The following FSTL4 variants were observed in gnomAD, a reference collection of about 807,000 sequenced individuals.
The protein encoded by FSTL4 is follistatin-related protein 4.
Under a neutral mutation model 78.2 loss-of-function variants are expected in FSTL4, and 28 were observed. The ratio of observed to expected loss-of-function variants is 0.36; its 90% CI spans 0.27 to 0.49. The LOEUF (loss-of-function observed/expected upper bound fraction) is 0.49. FSTL4 is among the 20% of genes least tolerant of loss of function. The probability of loss-of-function intolerance (pLI) is 0.98; values close to 1 mark genes in which losing one functional copy is unlikely to be tolerated. For missense variants in FSTL4, 922 were observed against 1,084.9 expected (o/e 0.85, Z 2.11); for synonymous variants, 422 against 440.5 (o/e 0.96, Z 0.53).
chr5:133,464,835 T>C (rs1017986422), intron 3 of FSTL4, among the ~76,000 whole-genome samples: 4 of 152,204 alleles, frequency 2.6e-5, no homozygotes, highest in African/African-American at 9.7e-5. Context: ...ATACAAAATA[T>C]AGCGGACTCA....
chr5:133,713,644 A>G, the FSTL4 span, among the ~76,000 whole-genome samples: 1 of 152,186 alleles, frequency 6.6e-6, no homozygotes, highest in African/African-American at 2.4e-5. Context: ...GGGCCAGTCC[A>G]ACCCCCAAAT....
the FSTL4 span, among the ~76,000 whole-genome samples, chr5:133,721,847 A>G: frequency 6.6e-6 from 1 of 152,160 alleles, no homozygotes; most frequent in Non-Finnish European, 1.5e-5. Flanking sequence ...GTTTTCAGTA[A>G]TTATTTTATT....
In FSTL4 at chr5:133,611,699, G is replaced by A. The variant is rs986629913; in HGVS notation, c.-11+626C>T. Among the ~76,000 whole-genome samples, 1 of 152,186 alleles carries A rather than the reference G, an allele frequency of 6.6e-6. No homozygotes were observed. The highest frequency in any genetic ancestry group is 2.4e-5 in the African/African-American group (1 of 41,454). On this transcript the variant is annotated intron_variant, in intron 1 of 15. Coordinates refer to ENST00000265342, the MANE Select transcript of FSTL4 (RefSeq NM_015082.2). This position sits in a 1 kb window ranked among gnomAD's most constrained non-coding sequence, Gnocchi z 4.9. ...GCCGCAGGCTGCCTGGAGTCGGGTC[G>A]TGCCCTGATTCCTTCCTCCCCAGCC...
At chr5:133,207,884 C>G (rs1750577601) in intron 14 of FSTL4, 1 of 152,220 alleles carries the variant, frequency 6.6e-6, no homozygotes, top group Admixed American at 6.5e-5. Context: ...CTCCTGAGCT[C>G]AAGTAATCCT....
chr5:133,395,767 CT>C (rs1400162991), intron 4 of FSTL4, among the ~76,000 whole-genome samples: 3 of 152,190 alleles, frequency 2.0e-5, no homozygotes, highest in Non-Finnish European at 4.4e-5. Context: ...CAAACCTTCC[CT>C]TGCTCTTCAA....
At chr5:133,461,540 C>CACAAA (rs1167306893) in intron 3 of FSTL4, among the ~76,000 whole-genome samples, 2 of 126,970 alleles carry the variant, frequency 1.6e-5, no homozygotes, top group African/African-American at 7.0e-5. Context: ...ATTTTTACTC[C>CACAAA]CTAAACAAAC....
intron 3 of FSTL4, among the ~76,000 whole-genome samples, chr5:133,537,849 C>G (rs998693259): frequency 1.3e-5 from 2 of 151,130 alleles, no homozygotes; most frequent in Non-Finnish European, 3.0e-5. Context: ...GTGTGTGTAT[C>G]TATATGTACA....
At chr5:133,480,810 TG>T (rs1242621191) in intron 3 of FSTL4, among the ~76,000 whole-genome samples, 3 of 152,142 alleles carry the variant, frequency 2.0e-5, no homozygotes, top group African/African-American at 7.2e-5. Context: ...CTTTAGTGGA[TG>T]ATAGTTCTTC....
chr5:133,601,581 G>A (rs1317750816), intron 2 of FSTL4, among the ~76,000 whole-genome samples: 1 of 152,168 alleles, frequency 6.6e-6, no homozygotes, highest in African/African-American at 2.4e-5. Context: ...GGTGCATGGA[G>A]GGATGAACAG....
At chr5:133,644,568 C>T in the FSTL4 span, among the ~76,000 whole-genome samples, 2 of 152,160 alleles carry the variant, frequency 1.3e-5, no homozygotes, top group African/African-American at 4.8e-5. Flanking sequence ...GTCCTGCCTG[C>T]TGACCTGGGA....
At chr5:133,475,889 C>T (rs955020244) in intron 3 of FSTL4, among the ~76,000 whole-genome samples, 6 of 152,100 alleles carry the variant, frequency 3.9e-5, no homozygotes, top group African/African-American at 1.4e-4. Context: ...AGAGTTCCTG[C>T]CTTCTAGGAG....
chr5:133,821,985 G>A, the FSTL4 span, among the ~76,000 whole-genome samples: 1 of 152,174 alleles, frequency 6.6e-6, no homozygotes, highest in Non-Finnish European at 1.5e-5. Flanking sequence ...ACCCTGGGGG[G>A]TCACACTCAG....
At chr5:133,313,277 C>T (rs1045025197) in intron 5 of FSTL4, among the ~76,000 whole-genome samples, 3 of 152,200 alleles carry the variant, frequency 2.0e-5, no homozygotes, top group Non-Finnish European at 4.4e-5. Flanking sequence ...GGCAGTGCTG[C>T]CTGGACACAG....
At chr5:133,229,296 C>T (rs1003691886) in intron 8 of FSTL4, among the ~76,000 whole-genome samples, 4 of 152,018 alleles carry the variant, frequency 2.6e-5, no homozygotes, top group Non-Finnish European at 2.9e-5. Context: ...CTGAGGTGGG[C>T]GGATCGCTCG....
At chr5:133,687,238 A>C in the FSTL4 span, among the ~76,000 whole-genome samples, 1 of 152,132 alleles carries the variant, frequency 6.6e-6, no homozygotes, top group African/African-American at 2.4e-5. Context: ...GTATGGTAGG[A>C]TCTGCGTGAT....
the FSTL4 span, among the ~76,000 whole-genome samples, chr5:133,691,088 A>G: frequency 1.3e-5 from 2 of 152,152 alleles, no homozygotes; most frequent in African/African-American, 2.4e-5. Flanking sequence ...CCTTTACCAC[A>G]TCGGTTTTTC....
the FSTL4 span, among the ~76,000 whole-genome samples, chr5:133,654,284 T>C: frequency 6.6e-6 from 1 of 152,228 alleles, no homozygotes; most frequent in Non-Finnish European, 1.5e-5. Flanking sequence ...ATTATTTTAG[T>C]TAATCCTCCC....
At chr5:133,537,817 C>G (rs138297731) in intron 3 of FSTL4, among the ~76,000 whole-genome samples, 141 of 151,170 alleles carry the variant, frequency 9.3e-4, no homozygotes, top group Middle Eastern at 3.4e-3. Context: ...CACACACACA[C>G]AGAGACACAC....
the FSTL4 span, among the ~76,000 whole-genome samples, chr5:133,663,778 G>A: frequency 6.6e-6 from 1 of 152,248 alleles, no homozygotes; most frequent in African/African-American, 2.4e-5. Context: ...GAGGCAACAT[G>A]GCAGCCAGGG....
Sources: allele counts gnomAD v4.1 joint callset (sites outside exome capture counted in the v4.1 genomes callset), GRCh38; gene constraint gnomAD v4.1.1; non-coding constraint Gnocchi (gnomAD v3.1); transcripts MANE v1.5; gene names NCBI Gene and HGNC (gene_info 2026-07-23, HGNC 2026-07-21).